TMX1: variants seen among roughly 807,000 people sequenced by gnomAD.
TMX1 encodes the protein thioredoxin related transmembrane protein 1.
In TMX1, 25 loss-of-function variants were observed where a neutral mutation model predicts 36.6. That is an observed-to-expected ratio of 0.68 (90% confidence interval 0.50 to 0.95). The LOEUF (loss-of-function observed/expected upper bound fraction) is 0.95, where lower values mean the gene tolerates loss of function less well. Among genes scored for constraint, TMX1 ranks in the 40% least tolerant of loss-of-function variants. The probability of loss-of-function intolerance (pLI) is 0.00; values close to 1 mark genes in which losing one functional copy is unlikely to be tolerated. For missense variants in TMX1, 347 were observed against 339.6 expected (o/e 1.02, Z -0.17); for synonymous variants, 133 against 118.0 (o/e 1.13, Z -0.82).
chr14:51,245,229 T>C, intron 2 of TMX1, 84 bp from the exon 3 acceptor site: 1 of 1,437,402 alleles, frequency 7.0e-7, no homozygotes. Context: ...TTCCTATTAG[T>C]ATGTATTTAA....
At chr14:51,241,228 A>G (rs546178000) in intron 1 of TMX1, among the ~76,000 whole-genome samples, 6 of 152,268 alleles carry the variant, frequency 3.9e-5, no homozygotes, top group Admixed American at 2.0e-4. Context: ...TTGTGTGGTG[A>G]TTTCAATTTA....
In TMX1 at chr14:51,240,423, AAGG is replaced by A; in HGVS notation, c.134_136del (p.Gly45del). On this transcript the variant is annotated inframe_deletion, in exon 1 of 8. Transcript: ENST00000457354. ...GACGAGAACTGGAGAGAACTGCTGG[AAGG>A]AGACTGGATGATAGAATTGTGAGTG... 6.2e-7 allele frequency: 1 copy of A among 1,613,944 alleles called. No homozygotes were observed. Among genetic ancestry groups the A allele is most frequent in the Non-Finnish European group, 8.5e-7 (1 of 1,179,992 alleles).
intron 7 of TMX1, among the ~76,000 whole-genome samples, chr14:51,253,746 A>G (rs1359916597): frequency 6.6e-6 from 1 of 152,216 alleles, no homozygotes; most frequent in African/African-American, 2.4e-5. Context: ...ATAAAATCAT[A>G]CATATGGGGG....
At chr14:51,242,547 G>T (rs1157366638) in intron 1 of TMX1, among the ~76,000 whole-genome samples, 1 of 152,124 alleles carries the variant, frequency 6.6e-6, no homozygotes, top group Non-Finnish European at 1.5e-5. Flanking sequence ...TCCTTAAGTA[G>T]AGATTCTAAA....
At chr14:51,248,576 C>T (rs2065797307) in intron 4 of TMX1, among the ~76,000 whole-genome samples, 1 of 152,168 alleles carries the variant, frequency 6.6e-6, no homozygotes, top group African/African-American at 2.4e-5. Flanking sequence ...AAATACCTTT[C>T]TGTGTCGAAC....
At chr14:51,244,080 A>G (rs1596404452) in intron 2 of TMX1, 109 bp downstream of exon 2, 1 of 897,396 alleles carries the variant, frequency 1.1e-6, no homozygotes. Context: ...GGTTTTGAAA[A>G]CCTAACAGTC....
At chr14:51,247,042 A>C (rs374702383) in intron 3 of TMX1, 50 bp from the exon 4 acceptor site, 4 of 1,510,728 alleles carry the variant, frequency 2.6e-6, no homozygotes, top group Non-Finnish European at 3.6e-6. Context: ...CAAAATAAAT[A>C]TTAAATTATT....
chr14:51,243,076 ATTC>A (rs1190975538), intron 1 of TMX1, among the ~76,000 whole-genome samples: 1 of 130,124 alleles, frequency 7.7e-6, no homozygotes, highest in African/African-American at 2.9e-5. Context: ...TTTAGGCTTT[ATTC>A]TTCCTGGTTC....
chr14:51,246,881 A>C (rs960398139), intron 3 of TMX1, among the ~76,000 whole-genome samples: 2 of 152,180 alleles, frequency 1.3e-5, no homozygotes, highest in African/African-American at 4.8e-5. Context: ...ATTACATTTT[A>C]AGGCTTATGA....
intron 4 of TMX1, among the ~76,000 whole-genome samples, chr14:51,247,501 T>C (rs1327917310): frequency 2.0e-5 from 3 of 151,488 alleles, no homozygotes; most frequent in South Asian, 4.2e-4. Flanking sequence ...GGACTACAGG[T>C]GCCCACCGCC....
rs775873509 is a variant in TMX1 at position 51,243,997 on chromosome 14, G to T, written c.268+26G>T. 7 of 1,563,536 alleles carry T rather than the reference G, an allele frequency of 4.5e-6. No individual in the cohort carries two copies. In the African/African-American group the frequency reaches 6.8e-5, roughly 15 times the overall value. On this transcript the variant is annotated intron_variant, in intron 2 of 7. Transcript: ENST00000457354. Reference sequence around the variant, plus strand: ...GTACTGTAAGTCTTTGGTTAGTTTTGTTTCTTTGCTGTTTGGGTTGATATA... The same window carrying T: ...GTACTGTAAGTCTTTGGTTAGTTTTTTTTCTTTGCTGTTTGGGTTGATATA...
chr14:51,254,737 T>C lies in TMX1; in HGVS notation c.*218T>C. 2.8e-6 allele frequency: 1 copy of C among 361,314 alleles called. No individual in the cohort carries two copies. The highest frequency in any genetic ancestry group is 4.9e-6 in the Non-Finnish European group (1 of 204,168). 22.4% of individuals were successfully genotyped at this position (361,314 alleles called of 1,614,324 possible). On this transcript the variant is annotated 3_prime_UTR_variant, in exon 8 of 8. Transcript: ENST00000457354. ...TATGATGGTTTAAATAGTTCTCTAA[T>C]TTTTGAAAAATCGTGCCAAGCAATA...
At chr14:51,242,555 AAAGTAAG>A (rs1443375707) in intron 1 of TMX1, among the ~76,000 whole-genome samples, 1 of 152,204 alleles carries the variant, frequency 6.6e-6, no homozygotes, top group Non-Finnish European at 1.5e-5. Context: ...TAGAGATTCT[AAAGTAAG>A]TTTTTAGAAA....
Position 51,245,297 on chromosome 14 carries a change from T to C in TMX1, c.269-16T>C, listed in dbSNP as rs1343509104. 1 of 1,613,514 alleles carries C rather than the reference T, an allele frequency of 6.2e-7. No homozygotes were observed. The highest frequency in any genetic ancestry group is 2.2e-5 in the East Asian group (1 of 44,836). On this transcript the variant is annotated splice_polypyrimidine_tract_variant and intron_variant, in intron 2 of 7. Transcript: ENST00000457354. ...ATTGGCCTATGTAAAACCTGCTGTG[T>C]GTTCTTTATTTGTAGGACTGAGTGG...
Position 51,256,440 on chromosome 14 carries a change from A to T in TMX1, c.*1921A>T, listed in dbSNP as rs1169879787. The stretch of plus-strand genomic sequence containing the variant: ...GTTCTTAAAGATTGTCACTGTAGAC[A>T]TCTGAGTAATTAATTTTCAGTTAGT... On this transcript the variant is annotated 3_prime_UTR_variant, in exon 8 of 8. Transcript: ENST00000457354. 2 of 152,220 alleles carry T rather than the reference A, an allele frequency of 1.3e-5. No individual in the cohort carries two copies. Among genetic ancestry groups the T allele is most frequent in the Admixed American group, 1.3e-4 (2 of 15,288 alleles). The allele number at this position is 152,220 out of a possible 1,614,324, so 9.4% of individuals were successfully genotyped here. A position where few individuals can be genotyped will look rare whatever the true frequency, so the allele number is the denominator to read the frequency against.
intron 7 of TMX1, among the ~76,000 whole-genome samples, chr14:51,252,926 T>C (rs943385168): frequency 1.3e-5 from 2 of 152,210 alleles, no homozygotes; most frequent in African/African-American, 2.4e-5. Context: ...TTTAGAATTT[T>C]TTATTTTTTA....
rs1451277432 is a variant in TMX1 at position 51,245,326 on chromosome 14, G to A, written c.282G>A (p.Arg94=). Residue 94 remains arginine (R), a synonymous_variant, in exon 3 of 8, where the codon CGG becomes CGA. Transcript: ENST00000457354. ...DVTEQPGLSG[R]FIITALPTIY... is the part of the protein sequence containing the mutation. ...CTTTATTTGTAGGACTGAGTGGACG[G>A]TTTATCATAACTGCTCTTCCTACTA... 3.1e-6 allele frequency: 5 copies of A among 1,613,914 alleles called. No individual in the cohort carries two copies. In the South Asian group the frequency reaches 5.5e-5, roughly 18 times the overall value.
At chr14:51,250,540 G>A (rs1221495973) in intron 7 of TMX1, among the ~76,000 whole-genome samples, 1 of 152,138 alleles carries the variant, frequency 6.6e-6, no homozygotes, top group East Asian at 1.9e-4. Flanking sequence ...TGCCCAGGCT[G>A]GAGTGCAGTG....
chr14:51,244,850 A>G (rs1354855316), intron 2 of TMX1, among the ~76,000 whole-genome samples: 4 of 152,256 alleles, frequency 2.6e-5, no homozygotes, highest in African/African-American at 7.2e-5. Context: ...GGCTAACAAT[A>G]AATGTTAGCT....
Sources: gnomAD v4.1 joint callset for allele counts (sites outside exome capture counted in the v4.1 genomes callset) on GRCh38, gnomAD v4.1.1 for gene constraint, MANE v1.5 for transcripts, NCBI Gene and HGNC (gene_info 2026-07-23, HGNC 2026-07-21) for gene names.